The following VPS13D variants were observed in gnomAD, a reference collection of about 807,000 sequenced individuals.
VPS13D encodes the protein vacuolar protein sorting 13 homolog D.
VPS13D carries 187 observed loss-of-function variants against 461.9 expected under a neutral mutation model. That is an observed-to-expected ratio of 0.40 (90% confidence interval 0.36 to 0.46). VPS13D has a LOEUF of 0.46. Ranked by LOEUF, VPS13D falls within the 20% of genes least tolerant of loss-of-function variation. The probability of loss-of-function intolerance (pLI) is 0.60; values close to 1 mark genes in which losing one functional copy is unlikely to be tolerated. For synonymous variants in VPS13D, 1,951 were observed against 1,986.3 expected, an observed-to-expected ratio of 0.98 and a Z score of 0.47; for missense variants, 4,711 against 5,364.9, an observed-to-expected ratio of 0.88 and a Z score of 3.81.
At position 12,234,354 on chromosome 1, in the gene VPS13D, C is replaced by T. The variant is rs373554881; in HGVS notation, c.88C>T (p.Leu30Phe). The change falls in exon 2 of 70, where the codon CTT (leucine) becomes TTT (phenylalanine). Residue 30 changes from leucine (L) to phenylalanine (F), a missense_variant. Around this residue, in one of 3 missense-constraint regions of VPS13D, gnomAD observed 4,411 missense variants for 4,937.8 expected, o/e 0.89. Coordinates refer to ENST00000620676, the MANE Select transcript of VPS13D (RefSeq NM_015378.4). The stretch of plus-strand genomic sequence containing the variant: ...GAACACTGACCAGCTCTCAGTTGCA[C>T]TTCTCAAAGGTGAGTATTTCTCTGG... Reference protein sequence around the residue: ...NLNTDQLSVALLKGAVELENL... With the variant: ...NLNTDQLSVAFLKGAVELENL... The T allele has an allele frequency of 3.1e-6, 5 of 1,613,728 alleles. No individual in the cohort carries two copies. Among genetic ancestry groups the T allele is most frequent in the Non-Finnish European group, 4.2e-6 (5 of 1,179,700 alleles).
intron 68 of VPS13D, among the ~76,000 whole-genome samples, chr1:12,499,182 CAG>C (rs1646002009): frequency 6.6e-6 from 1 of 152,008 alleles, no homozygotes; most frequent in Non-Finnish European, 1.5e-5. Flanking sequence ...GGATGTGGTG[CAG>C]AGTCTACTAC....
chr1:12,367,068 A>G (rs1282934001), intron 52 of VPS13D, among the ~76,000 whole-genome samples: 2 of 152,208 alleles, frequency 1.3e-5, no homozygotes, highest in East Asian at 1.9e-4. Flanking sequence ...CCATTGATCT[A>G]GGATCCAGTC....
At chr1:12,458,688 G>C (rs2100408782) in intron 66 of VPS13D, among the ~76,000 whole-genome samples, 1 of 152,206 alleles carries the variant, frequency 6.6e-6, no homozygotes, top group South Asian at 2.1e-4. Flanking sequence ...TTACCAATTT[G>C]TCTCACTAGA....
At chr1:12,309,815 C>A (rs1642682776) in intron 27 of VPS13D, among the ~76,000 whole-genome samples, 1 of 150,856 alleles carries the variant, frequency 6.6e-6, no homozygotes, top group Non-Finnish European at 1.5e-5. Flanking sequence ...TTGTATAGAG[C>A]ATGATTTGAA....
chr1:12,286,314 G>A (rs1051398034), intron 21 of VPS13D, among the ~76,000 whole-genome samples: 1 of 152,208 alleles, frequency 6.6e-6, no homozygotes, highest in African/African-American at 2.4e-5. Context: ...CTGGCCTCAA[G>A]TGATCGGCCT....
intron 63 of VPS13D, among the ~76,000 whole-genome samples, chr1:12,410,296 G>A (rs752213945): frequency 4.6e-5 from 7 of 152,146 alleles, no homozygotes; most frequent in Non-Finnish European, 8.8e-5. Flanking sequence ...GAATGGCATT[G>A]GTTTTCGTTG....
chr1:12,267,800 C>T (rs1557674648), intron 14 of VPS13D, 45 bp from the exon 15 acceptor site: 3 of 1,563,816 alleles, frequency 1.9e-6, no homozygotes, highest in Non-Finnish European at 1.8e-6. Context: ...TGAATTGTCC[C>T]CTCTCACGCT....
At chr1:12,237,063 G>A (rs1003318091) in intron 2 of VPS13D, among the ~76,000 whole-genome samples, 3 of 151,268 alleles carry the variant, frequency 2.0e-5, no homozygotes, top group Non-Finnish European at 2.9e-5. Flanking sequence ...GTGTGTGTGT[G>A]TATATATATA....
chr1:12,361,831 A>G (rs1004381548), intron 50 of VPS13D, among the ~76,000 whole-genome samples: 6 of 152,072 alleles, frequency 3.9e-5, no homozygotes, highest in African/African-American at 1.4e-4. Flanking sequence ...GGCGCTGAAA[A>G]CAGTAATTTT....
intron 27 of VPS13D, 125 bp from the exon 28 acceptor site, chr1:12,311,329 G>T: frequency 1.2e-6 from 1 of 803,662 alleles, no homozygotes; most frequent in Non-Finnish European, 1.8e-6. Context: ...TTTTGTCATT[G>T]GAAGTAGGAA....
intron 40 of VPS13D, 115 bp from the exon 41 acceptor site, chr1:12,341,664 TC>T: frequency 1.2e-6 from 1 of 832,334 alleles, no homozygotes; most frequent in South Asian, 1.7e-5. Context: ...CTTTCTTGCT[TC>T]CACCTTCAGC....
At chr1:12,431,452 A>G (rs928077589) in intron 65 of VPS13D, among the ~76,000 whole-genome samples, 1 of 150,340 alleles carries the variant, frequency 6.7e-6, no homozygotes, top group Non-Finnish European at 1.5e-5. Context: ...TTCTGGCTAC[A>G]GATCTAGTAT....
intron 57 of VPS13D, 107 bp from the exon 58 acceptor site, chr1:12,382,869 C>A: frequency 1.9e-6 from 2 of 1,055,330 alleles, no homozygotes; most frequent in South Asian, 3.2e-5. Context: ...GATCATGACC[C>A]TCCAGAGGAG....
intron 65 of VPS13D, among the ~76,000 whole-genome samples, chr1:12,437,056 G>A (rs182466432): frequency 2.4e-4 from 37 of 152,324 alleles, no homozygotes; most frequent in Admixed American, 5.2e-4. Flanking sequence ...CACACCGTGT[G>A]TGTGTGTGTG....
At chr1:12,408,011 A>G (rs958011151) in intron 63 of VPS13D, among the ~76,000 whole-genome samples, 3 of 152,156 alleles carry the variant, frequency 2.0e-5, no homozygotes, top group African/African-American at 7.2e-5. Flanking sequence ...CAGCGTGTTT[A>G]TTTTATGACT....
intron 67 of VPS13D, among the ~76,000 whole-genome samples, chr1:12,496,442 A>C (rs1645958021): frequency 6.6e-6 from 1 of 152,208 alleles, no homozygotes; most frequent in South Asian, 2.1e-4. Flanking sequence ...CTTGCCCACC[A>C]GGGCACTTTC....
chr1:12,371,548 G>T (rs139217195), intron 54 of VPS13D, among the ~76,000 whole-genome samples: 2 of 151,786 alleles, frequency 1.3e-5, no homozygotes, highest in African/African-American at 4.8e-5. Context: ...ATGCCACCAC[G>T]CCTGGCTGAT....
Position 12,404,057 on chromosome 1 carries a change from G to GT in VPS13D, c.12030+85dup, listed in dbSNP as rs1437361735. The GT allele has an allele frequency of 1.6e-5, 18 of 1,135,154 alleles. No individual in the cohort carries two copies. In the East Asian group the frequency reaches 4.9e-4, roughly 31 times the overall value. The allele number at this position is 1,135,154 out of a possible 1,614,324, so 70.3% of individuals were successfully genotyped here. ...TGTTTACTATTTGTTGTTTGTTGTT[G>GT]TGTGTGTGTGTGCTTTTTTTTTTGT... On this transcript the variant is annotated intron_variant, in intron 63 of 69. Transcript: ENST00000620676.
chr1:12,234,304 A>G lies in VPS13D; in HGVS notation c.38A>G (p.Tyr13Cys), dbSNP rs1448028996. 3 of 1,613,946 alleles carry G rather than the reference A, an allele frequency of 1.9e-6. No homozygotes were observed. Among genetic ancestry groups the G allele is most frequent in the Non-Finnish European group, 2.5e-6 (3 of 1,179,982 alleles). Residue 13 changes from tyrosine (Y) to cysteine (C), a missense_variant, in exon 2 of 70, where the codon TAT (tyrosine) becomes TGT (cysteine). By Grantham distance (194) the Tyr-to-Cys change is radical. Transcript: ENST00000620676. The stretch of plus-strand genomic sequence containing the variant: ...CTTGTAGCCTGGGTTCTCAATACCT[A>G]TTTGGGAAAATATGTCAATAACCTG... ...EGLVAWVLNT[Y>C]LGKYVNNLNT... is the part of the protein sequence containing the mutation.
Sources: allele counts gnomAD v4.1 joint callset (sites outside exome capture counted in the v4.1 genomes callset), GRCh38; gene constraint gnomAD v4.1.1; regional missense constraint gnomAD v4.1.1; transcripts MANE v1.5; gene names NCBI Gene and HGNC (gene_info 2026-07-23, HGNC 2026-07-21).